The following ULK4 variants were observed in gnomAD, a reference collection of about 807,000 sequenced individuals.
ULK4 encodes the protein inactive serine/threonine-protein kinase ULK4.
A neutral mutation model predicts 160.6 loss-of-function variants in ULK4; 133 were observed. The observed-to-expected ratio is 0.83, with a 90% CI of 0.72 to 0.96. The LOEUF is 0.96. Among genes scored for constraint, ULK4 ranks in the 40% least tolerant of loss-of-function variants. The pLI is 0.00. For synonymous variants in ULK4, 534 were observed against 539.8 expected, an observed-to-expected ratio of 0.99 and a Z score of 0.15; for missense variants, 1,580 against 1,499.5, an observed-to-expected ratio of 1.05 and a Z score of -0.89.
chr3:41,649,824 A>G (rs1055829739), intron 30 of ULK4, among the ~76,000 whole-genome samples: 6 of 152,234 alleles, frequency 3.9e-5, no homozygotes, highest in Non-Finnish European at 1.5e-5. Context: ...CCTTCAAGCC[A>G]GGGATAGCCT....
chr3:41,266,877 G>T (rs2079043855), intron 35 of ULK4, among the ~76,000 whole-genome samples: 1 of 151,960 alleles, frequency 6.6e-6, no homozygotes. Context: ...AAACCACTTT[G>T]CTAGGAGTCG....
rs544325920 is a variant in ULK4, at chr3:41,669,905, G to T, written c.2979-6206C>A. Among the ~76,000 whole-genome samples the T allele has an allele frequency of 1.3e-5, 2 of 152,284 alleles. 1 individual carries two copies. Among genetic ancestry groups the T allele is most frequent in the South Asian group, 4.1e-4 (2 of 4,830 alleles). ...GGTTCCAAACAGAGAATTTCAAAAAGTACTAAGTAAATCTCACCAGGAATG... is the reference window on the plus strand; with the variant it reads ...GGTTCCAAACAGAGAATTTCAAAAATTACTAAGTAAATCTCACCAGGAATG... On this transcript the variant is annotated intron_variant, in intron 29 of 36. Transcript: ENST00000301831.
chr3:41,488,218 G>A (rs1304003286), intron 32 of ULK4, among the ~76,000 whole-genome samples: 1 of 152,142 alleles, frequency 6.6e-6, no homozygotes, highest in Non-Finnish European at 1.5e-5. Context: ...CTTTTTAATG[G>A]AATACTTCCT....
intron 32 of ULK4, among the ~76,000 whole-genome samples, chr3:41,498,055 G>A (rs1158609040): frequency 3.3e-5 from 5 of 152,132 alleles, no homozygotes; most frequent in African/African-American, 9.7e-5. Context: ...ATATCTTGAT[G>A]TCAATGATTT....
At position 41,566,229 on chromosome 3, in the gene ULK4, A is replaced by C. The variant is rs182651625; in HGVS notation, c.3121-99T>G. ...TGATGTCCACTGCTTCATTCTTTGCACAAGGTTAAATGATTACCTTTTTGC... is the reference window on the plus strand; with the variant it reads ...TGATGTCCACTGCTTCATTCTTTGCCCAAGGTTAAATGATTACCTTTTTGC... On this transcript the variant is annotated intron_variant, in intron 31 of 36. Coordinates refer to ENST00000301831, the MANE Select transcript of ULK4 (RefSeq NM_017886.4). 95 of 983,518 alleles carry C rather than the reference A, an allele frequency of 9.7e-5. No homozygotes were observed. In the African/African-American group the frequency reaches 1.3e-3, roughly 13 times the overall value. The allele number at this position is 983,518 out of a possible 1,614,324, so 60.9% of individuals were successfully genotyped here.
At chr3:41,893,282 G>T (rs1698033906) in intron 16 of ULK4, among the ~76,000 whole-genome samples, 1 of 151,984 alleles carries the variant, frequency 6.6e-6, no homozygotes, top group Non-Finnish European at 1.5e-5. Context: ...GGCTAAAATG[G>T]AATATTTTAA....
At chr3:41,592,874 A>G (rs2031449742) in intron 31 of ULK4, among the ~76,000 whole-genome samples, 1 of 152,156 alleles carries the variant, frequency 6.6e-6, no homozygotes, top group East Asian at 1.9e-4. Flanking sequence ...GTTGTGAAAT[A>G]TCTGTGTGTG....
intron 35 of ULK4, among the ~76,000 whole-genome samples, chr3:41,326,354 G>T (rs1311434757): frequency 6.6e-6 from 1 of 151,972 alleles, no homozygotes; most frequent in East Asian, 1.9e-4. Context: ...TGAAATGCCT[G>T]CCCGCTACAA....
intron 30 of ULK4, among the ~76,000 whole-genome samples, chr3:41,639,281 T>C (rs1204448840): frequency 1.3e-5 from 2 of 152,252 alleles, no homozygotes; most frequent in African/African-American, 4.8e-5. Flanking sequence ...ACAATGTTTC[T>C]TGTTGCCACT....
At chr3:41,555,620 A>G (rs967808934) in intron 32 of ULK4, among the ~76,000 whole-genome samples, 2 of 152,234 alleles carry the variant, frequency 1.3e-5, no homozygotes, top group African/African-American at 4.8e-5. Flanking sequence ...GTGATTCCTC[A>G]AAGACTCAAA....
intron 35 of ULK4, among the ~76,000 whole-genome samples, chr3:41,383,692 A>C (rs2081729620): frequency 6.6e-6 from 1 of 152,132 alleles, no homozygotes; most frequent in African/African-American, 2.4e-5. Flanking sequence ...CTCACAGTAA[A>C]CTTTCTTTTG....
chr3:41,878,331 A>G (rs1169177222), intron 17 of ULK4, among the ~76,000 whole-genome samples: 2 of 152,232 alleles, frequency 1.3e-5, no homozygotes, highest in Admixed American at 6.5e-5. Context: ...CAATGTAAGC[A>G]TCAAAAAGAC....
intron 30 of ULK4, among the ~76,000 whole-genome samples, chr3:41,661,325 G>A (rs1318386718): frequency 6.6e-6 from 1 of 152,110 alleles, no homozygotes; most frequent in Non-Finnish European, 1.5e-5. Context: ...CATAGATACA[G>A]AATGATACTA....
chr3:41,441,709 T>C (rs527630664), intron 34 of ULK4, among the ~76,000 whole-genome samples: 1 of 152,140 alleles, frequency 6.6e-6, no homozygotes, highest in Non-Finnish European at 1.5e-5. Flanking sequence ...CAGGTAAAGT[T>C]AGGTGGTAGT....
intron 31 of ULK4, among the ~76,000 whole-genome samples, chr3:41,601,925 G>A (rs2032093827): frequency 6.6e-6 from 1 of 152,074 alleles, no homozygotes. Flanking sequence ...TGGACATGGT[G>A]GCTTATATCT....
chr3:41,712,056 T>C (rs764750615), intron 25 of ULK4, among the ~76,000 whole-genome samples: 5 of 152,210 alleles, frequency 3.3e-5, no homozygotes, highest in Non-Finnish European at 7.3e-5. Flanking sequence ...CTCTGCTGAA[T>C]TGTTTCCAAA....
At chr3:41,910,598 AAAAAT>A (rs1015615067) in intron 11 of ULK4, among the ~76,000 whole-genome samples, 21 of 141,694 alleles carry the variant, frequency 1.5e-4, no homozygotes, top group African/African-American at 5.0e-4. Flanking sequence ...TCCATCTCAA[AAAAAT>A]AAAATAAAAA....
intron 35 of ULK4, among the ~76,000 whole-genome samples, chr3:41,381,624 G>A (rs2081653217): frequency 6.6e-6 from 1 of 152,100 alleles, no homozygotes; most frequent in Non-Finnish European, 1.5e-5. Context: ...CTGCTTTCAA[G>A]ATATATCCAA....
At chr3:41,961,749 C>T (rs1450779484) in intron 1 of ULK4, among the ~76,000 whole-genome samples, 2 of 152,190 alleles carry the variant, frequency 1.3e-5, no homozygotes, top group African/African-American at 2.4e-5. Flanking sequence ...AGCCGAAACA[C>T]ACAAGCACTC....
Sources: gnomAD v4.1 joint callset for allele counts (sites outside exome capture counted in the v4.1 genomes callset) on GRCh38, gnomAD v4.1.1 for gene constraint, MANE v1.5 for transcripts, NCBI Gene and HGNC (gene_info 2026-07-23, HGNC 2026-07-21) for gene names.